Variants in NRG3 observed in about 807,000 individuals in gnomAD.
NRG3 encodes the protein pro-neuregulin-3, membrane-bound isoform.
NRG3 carries 31 observed loss-of-function variants against 66.9 expected under a neutral mutation model. That is an observed-to-expected ratio of 0.46 (90% CI 0.35 to 0.63). NRG3 has a LOEUF of 0.63. NRG3 is among the 20% of genes least tolerant of loss of function. The probability of loss-of-function intolerance (pLI) is 0.00; values close to 1 mark genes in which losing one functional copy is unlikely to be tolerated. For synonymous variants in NRG3, 393 were observed against 359.4 expected (o/e 1.09, Z -1.06); for missense variants, 910 against 878.9 (o/e 1.04, Z -0.45).
chr10:81,943,245 G>C (rs1359923620), intron 1 of NRG3, among the ~76,000 whole-genome samples: 2 of 152,106 alleles, frequency 1.3e-5, no homozygotes, highest in African/African-American at 2.4e-5. Context: ...GCCAGGTATG[G>C]TGACACATGT....
intron 2 of NRG3, among the ~76,000 whole-genome samples, chr10:82,558,538 G>A (rs559903972): frequency 6.6e-6 from 1 of 152,218 alleles, no homozygotes; most frequent in South Asian, 2.1e-4. Context: ...CTGGAACTGA[G>A]GGGGTTCCTC....
chr10:82,938,885 TA>T (rs1848324724), intron 4 of NRG3, among the ~76,000 whole-genome samples: 1 of 152,170 alleles, frequency 6.6e-6, no homozygotes, highest in Admixed American at 6.5e-5. Context: ...TCCTAAGTGA[TA>T]AAACCTAGAA....
chr10:82,922,042 A>C (rs1442376159), intron 4 of NRG3, among the ~76,000 whole-genome samples: 2 of 152,100 alleles, frequency 1.3e-5, no homozygotes, highest in South Asian at 2.1e-4. Context: ...TGAACTCATT[A>C]ATTTATTTTT....
rs868353994 is a variant in NRG3, at chr10:82,533,792, T to C, written c.953+174924T>C. ...AAGGCATCCAAACAGGAAGGGAAGA[T>C]GTAAAATTGTGCCTGTTGCAGACAA... On this transcript the variant is annotated intron_variant, in intron 2 of 8. Coordinates refer to ENST00000372141, the MANE Select transcript of NRG3 (RefSeq NM_001010848.4). Among the ~76,000 whole-genome samples the C allele has an allele frequency of 1.8e-4, 28 of 152,206 alleles. No homozygotes were observed. The Middle Eastern group carries it at 0.014, about 74-fold the overall frequency.
intron 2 of NRG3, among the ~76,000 whole-genome samples, chr10:82,704,012 TC>T (rs2056099407): frequency 6.6e-6 from 1 of 152,142 alleles, no homozygotes; most frequent in African/African-American, 2.4e-5. Context: ...TTACAAACCT[TC>T]TACCCACAAA....
At chr10:82,303,919 G>A (rs2080563720) in intron 1 of NRG3, among the ~76,000 whole-genome samples, 1 of 152,014 alleles carries the variant, frequency 6.6e-6, no homozygotes, top group African/African-American at 2.4e-5. Context: ...AAGGAACTTG[G>A]TTCCTTCCTT....
intron 3 of NRG3, among the ~76,000 whole-genome samples, chr10:82,776,641 G>T (rs749591416): frequency 1.3e-5 from 2 of 148,900 alleles, no homozygotes; most frequent in Non-Finnish European, 3.0e-5. Flanking sequence ...TTTTCTCTCC[G>T]GGTTATTTTA....
intron 1 of NRG3, among the ~76,000 whole-genome samples, chr10:82,345,906 A>T (rs1266347691): frequency 6.6e-6 from 1 of 152,052 alleles, no homozygotes; most frequent in East Asian, 1.9e-4. Flanking sequence ...ATTTTTGTAC[A>T]TTGATTTTGT....
intron 2 of NRG3, among the ~76,000 whole-genome samples, chr10:82,625,966 A>G (rs1030250962): frequency 3.9e-5 from 6 of 152,204 alleles, no homozygotes; most frequent in African/African-American, 1.4e-4. Flanking sequence ...ATAAAGACCA[A>G]TGTAAGGCTA....
chr10:82,908,032 G>T (rs977638192), intron 4 of NRG3, among the ~76,000 whole-genome samples: 1 of 152,142 alleles, frequency 6.6e-6, no homozygotes, highest in South Asian at 2.1e-4. Flanking sequence ...TATGGATAAA[G>T]TGTCAAAATG....
intron 2 of NRG3, among the ~76,000 whole-genome samples, chr10:82,381,596 A>G (rs962167356): frequency 2.0e-5 from 3 of 152,170 alleles, no homozygotes; most frequent in Middle Eastern, 3.2e-3. Context: ...TTTGATTTTT[A>G]TATCTAGGTA....
At chr10:82,347,706 C>G (rs1027635228) in intron 1 of NRG3, among the ~76,000 whole-genome samples, 1 of 152,112 alleles carries the variant, frequency 6.6e-6, no homozygotes, top group Non-Finnish European at 1.5e-5. Context: ...GAGTCTAAGT[C>G]TCTTTGTAGG....
At chr10:82,514,746 T>C (rs1246976608) in intron 2 of NRG3, among the ~76,000 whole-genome samples, 1 of 152,208 alleles carries the variant, frequency 6.6e-6, no homozygotes, top group South Asian at 2.1e-4. Flanking sequence ...TTTCTAATTA[T>C]GTGAAGAACT....
At chr10:82,807,104 G>A (rs1054697461) in intron 3 of NRG3, among the ~76,000 whole-genome samples, 1 of 152,154 alleles carries the variant, frequency 6.6e-6, no homozygotes, top group Non-Finnish European at 1.5e-5. Flanking sequence ...ATGAGTTTTA[G>A]CCTCTTGCTT....
At chr10:82,379,275 A>G (rs1436421521) in intron 2 of NRG3, among the ~76,000 whole-genome samples, 3 of 152,164 alleles carry the variant, frequency 2.0e-5, no homozygotes, top group Non-Finnish European at 4.4e-5. Flanking sequence ...AAGTCTAGCC[A>G]TGGCCCCTTT....
chr10:82,578,572 G>A lies in NRG3; in HGVS notation c.954-160005G>A, dbSNP rs556728892. 1.8e-4 allele frequency among the ~76,000 whole-genome samples: 28 copies of A among 151,646 alleles called. No individual in the cohort carries two copies. The South Asian group carries it at 2.3e-3, about 12-fold the overall frequency. On this transcript the variant is annotated intron_variant, in intron 2 of 8. Transcript: ENST00000372141. Reference sequence around the variant, plus strand: ...GTAGTATTATTCATATTCTACAGATGAGCAAATGGAGGTTCTGAGAATTTA... The same window carrying A: ...GTAGTATTATTCATATTCTACAGATAAGCAAATGGAGGTTCTGAGAATTTA...
chr10:82,514,520 T>G (rs1486849127), intron 2 of NRG3, among the ~76,000 whole-genome samples: 1 of 152,152 alleles, frequency 6.6e-6, no homozygotes, highest in Non-Finnish European at 1.5e-5. Flanking sequence ...TGTCTGAGAT[T>G]TATATTCTGT....
Position 82,865,415 on chromosome 10 carries a change from C to A in NRG3, c.1032C>A (p.Asp344Glu). Residue 344 changes from aspartate to glutamate, a missense_variant, in exon 4 of 9, where the codon GAC becomes GAA. Asp to Glu is a conservative substitution (Grantham distance 45). Coordinates refer to ENST00000372141, the MANE Select transcript of NRG3 (RefSeq NM_001010848.4). Reference protein sequence around the residue: ...KTDSILSDPTDHLGIEFMESE... With the variant: ...KTDSILSDPTEHLGIEFMESE... ...TCCATGCTGACTTTGGTGTAGCAGA[C>A]CACTTGGGGATTGAATTCATGGGTA... 1 of 1,612,872 alleles carries A rather than the reference C, an allele frequency of 6.2e-7. No individual in the cohort carries two copies. The highest frequency in any genetic ancestry group is 1.3e-5 in the African/African-American group (1 of 74,986).
At chr10:82,844,659 C>T (rs574921209) in intron 3 of NRG3, among the ~76,000 whole-genome samples, 8 of 148,498 alleles carry the variant, frequency 5.4e-5, no homozygotes, top group Middle Eastern at 6.8e-3. Context: ...GGATCCAAAA[C>T]GCCTCTACAA....
Sources: gnomAD v4.1 joint callset for allele counts (sites outside exome capture counted in the v4.1 genomes callset) on GRCh38, gnomAD v4.1.1 for gene constraint, MANE v1.5 for transcripts, NCBI Gene and HGNC (gene_info 2026-07-23, HGNC 2026-07-21) for gene names.